Variants in MMP26 observed in about 807,000 individuals in gnomAD.
The protein encoded by MMP26 is matrix metallopeptidase 26.
Under a neutral mutation model 31.0 loss-of-function variants are expected in MMP26, and 33 were observed. That is an observed-to-expected ratio of 1.06 (90% confidence interval 0.81 to 1.42). MMP26 has a LOEUF of 1.42. Among genes scored for constraint, MMP26 ranks in the 40% most tolerant of loss-of-function variants. The pLI, the probability that MMP26 is intolerant of heterozygous loss-of-function variation, is 0.00. For synonymous variants in MMP26, 122 were observed against 114.9 expected (o/e 1.06, Z -0.40); for missense variants, 347 against 316.1 (o/e 1.10, Z -0.74).
intron 2 of MMP26, among the ~76,000 whole-genome samples, chr11:4,851,331 G>A (rs1849972865): frequency 6.6e-6 from 1 of 152,156 alleles, no homozygotes; most frequent in Non-Finnish European, 1.5e-5. Context: ...TTGGTGGCAA[G>A]GAAATAGGGA....
chr11:4,878,314 G>A (rs1850412458), intron 2 of MMP26, among the ~76,000 whole-genome samples: 1 of 151,924 alleles, frequency 6.6e-6, no homozygotes, highest in Admixed American at 6.6e-5. Context: ...GAATCACTCT[G>A]GTATTCAGTG....
chr11:4,831,054 G>A (rs1564789990), intron 2 of MMP26, among the ~76,000 whole-genome samples: 2 of 152,112 alleles, frequency 1.3e-5, no homozygotes, highest in Admixed American at 6.5e-5. Context: ...TCAATATGAG[G>A]CAAAGGTCCT....
At chr11:4,770,291 A>G (rs780311429) in intron 2 of MMP26, among the ~76,000 whole-genome samples, 6 of 152,242 alleles carry the variant, frequency 3.9e-5, no homozygotes, top group Non-Finnish European at 5.9e-5. Context: ...ATATTTTGTG[A>G]GTACAATGAA....
At chr11:4,866,896 A>T (rs1372485330) in intron 2 of MMP26, among the ~76,000 whole-genome samples, 1 of 152,164 alleles carries the variant, frequency 6.6e-6, no homozygotes, top group Non-Finnish European at 1.5e-5. Context: ...GAAAACTGAA[A>T]CTGGACCCCT....
intron 2 of MMP26, among the ~76,000 whole-genome samples, chr11:4,976,081 G>A (rs1219802217): frequency 6.6e-6 from 1 of 151,958 alleles, no homozygotes; most frequent in Admixed American, 6.6e-5. Context: ...TTTAAAAGAT[G>A]TTACTTTTAG....
chr11:4,761,426 C>G (rs182112067), intron 1 of MMP26, among the ~76,000 whole-genome samples: 71 of 152,250 alleles, frequency 4.7e-4, no homozygotes, highest in African/African-American at 1.7e-3. Flanking sequence ...TGGAAAACTT[C>G]TATAAGGAAT....
intron 2 of MMP26, among the ~76,000 whole-genome samples, chr11:4,818,888 C>T (rs1442155987): frequency 6.6e-6 from 1 of 151,856 alleles, no homozygotes; most frequent in Non-Finnish European, 1.5e-5. Flanking sequence ...TTCAATAGTC[C>T]AGGTTAGAGA....
At chr11:4,962,699 A>G (rs960117337) in intron 2 of MMP26, among the ~76,000 whole-genome samples, 1 of 152,166 alleles carries the variant, frequency 6.6e-6, no homozygotes, top group Non-Finnish European at 1.5e-5. Flanking sequence ...TTGATTTCCG[A>G]AAGTTGGCAC....
intron 1 of MMP26, among the ~76,000 whole-genome samples, chr11:4,745,051 T>C (rs916730425): frequency 1.3e-5 from 2 of 152,194 alleles, no homozygotes; most frequent in Admixed American, 1.3e-4. Flanking sequence ...GAGATGTTTC[T>C]TTTTTGACTT....
chr11:4,921,472 G>A (rs1851183778), intron 2 of MMP26, among the ~76,000 whole-genome samples: 1 of 152,224 alleles, frequency 6.6e-6, no homozygotes, highest in African/African-American at 2.4e-5. Flanking sequence ...AAAGGCTGAT[G>A]GCTTCATCCA....
intron 2 of MMP26, chr11:4,915,490 G>A: frequency 1.9e-6 from 3 of 1,614,134 alleles, no homozygotes; most frequent in Non-Finnish European, 2.5e-6. Flanking sequence ...CATGAAGTGA[G>A]CGCTCTGTTT....
At chr11:4,809,433 A>G (rs1052757055) in intron 2 of MMP26, among the ~76,000 whole-genome samples, 3 of 152,206 alleles carry the variant, frequency 2.0e-5, no homozygotes, top group Non-Finnish European at 2.9e-5. Flanking sequence ...GATTCCAACT[A>G]TAACACCCAC....
At position 4,819,331 on chromosome 11, in the gene MMP26, A is replaced by G. The variant is rs7118302; in HGVS notation, c.-145+51990A>G. On this transcript the variant is annotated intron_variant, in intron 2 of 7. Coordinates refer to ENST00000380390, the MANE Select transcript of MMP26 (RefSeq NM_021801.5). ...AGATAATTTTACAAGTGACTTGAGAATAGGCAAAGGAGAGATCTCTGAAGA... is the reference window on the plus strand; with the variant it reads ...AGATAATTTTACAAGTGACTTGAGAGTAGGCAAAGGAGAGATCTCTGAAGA... Among the ~76,000 whole-genome samples, 834 of 152,278 alleles carry G rather than the reference A, an allele frequency of 5.5e-3. 6 individuals carry two copies. The highest frequency in any genetic ancestry group is 0.017 in the African/African-American group (687 of 41,550).
chr11:4,958,003 G>T (rs1319975723), intron 2 of MMP26, among the ~76,000 whole-genome samples: 3 of 152,128 alleles, frequency 2.0e-5, no homozygotes, highest in Non-Finnish European at 4.4e-5. Context: ...CTCCAGAATT[G>T]TCTTCCCAGC....
At chr11:4,863,606 TTTA>T (rs969288533) in intron 2 of MMP26, 23 of 152,182 alleles carry the variant, frequency 1.5e-4, no homozygotes, top group African/African-American at 5.6e-4. Context: ...TTTTAAGATA[TTTA>T]TTACCTTCAT....
chr11:4,851,977 G>GCATGCAT (rs767510194), intron 2 of MMP26, among the ~76,000 whole-genome samples: 10 of 152,132 alleles, frequency 6.6e-5, no homozygotes, highest in Non-Finnish European at 1.3e-4. Flanking sequence ...AATGGACTAA[G>GCATGCAT]CATGCATCAT....
At chr11:4,782,884 G>A (rs937094292) in intron 2 of MMP26, among the ~76,000 whole-genome samples, 1 of 152,218 alleles carries the variant, frequency 6.6e-6, no homozygotes, top group Non-Finnish European at 1.5e-5. Context: ...ATGTGATGCT[G>A]AGCTTGCAAG....
intron 1 of MMP26, among the ~76,000 whole-genome samples, chr11:4,721,340 A>G (rs1374458145): frequency 1.3e-5 from 2 of 152,214 alleles, no homozygotes; most frequent in East Asian, 3.8e-4. Context: ...GTATCATTAC[A>G]TACAATCTTC....
intron 2 of MMP26, among the ~76,000 whole-genome samples, chr11:4,983,182 T>C (rs1176779559): frequency 6.6e-6 from 1 of 152,188 alleles, no homozygotes; most frequent in Non-Finnish European, 1.5e-5. Flanking sequence ...TCTATGATGA[T>C]CACTAAATGA....
Sources: gnomAD v4.1 joint callset for allele counts (sites outside exome capture counted in the v4.1 genomes callset) on GRCh38, gnomAD v4.1.1 for gene constraint, MANE v1.5 for transcripts, NCBI Gene and HGNC (gene_info 2026-07-23, HGNC 2026-07-21) for gene names.